Variants in FRMD4A observed in about 807,000 individuals in gnomAD.
FRMD4A encodes the protein FERM domain containing 4A.
Under a neutral mutation model 129.1 loss-of-function variants are expected in FRMD4A, and 29 were observed. That is an observed-to-expected ratio of 0.22 (90% CI 0.17 to 0.31). The LOEUF is 0.31. Among genes scored for constraint, FRMD4A ranks in the 10% least tolerant of loss-of-function variants. The pLI is 1.00. For missense variants in FRMD4A, 1,272 were observed against 1,375.8 expected, an observed-to-expected ratio of 0.92 and a Z score of 1.19; for synonymous variants, 634 against 571.6, an observed-to-expected ratio of 1.11 and a Z score of -1.56.
chr10:13,648,455 G>A (rs540585327), intron 24 of FRMD4A, among the ~76,000 whole-genome samples: 6 of 152,240 alleles, frequency 3.9e-5, no homozygotes, highest in East Asian at 1.9e-4. Flanking sequence ...ACGTGGTCCT[G>A]GTGGTGCTCT....
chr10:13,895,765 C>T (rs903795527), intron 2 of FRMD4A, among the ~76,000 whole-genome samples: 4 of 152,122 alleles, frequency 2.6e-5, no homozygotes, highest in African/African-American at 7.2e-5. Context: ...TTGCAATCTA[C>T]CCATCTGACA....
intron 2 of FRMD4A, among the ~76,000 whole-genome samples, chr10:14,067,070 C>A (rs1487660145): frequency 6.6e-6 from 1 of 152,134 alleles, no homozygotes; most frequent in East Asian, 1.9e-4. Context: ...GTAATCCCAG[C>A]ACTTTGGGAG....
intron 2 of FRMD4A, among the ~76,000 whole-genome samples, chr10:14,046,698 G>C (rs75824247): frequency 6.6e-6 from 1 of 152,140 alleles, no homozygotes. Context: ...TCAAACCCCT[G>C]ACGTGATGGT....
chr10:13,679,388 C>T (rs1276529945), intron 15 of FRMD4A, among the ~76,000 whole-genome samples: 1 of 127,554 alleles, frequency 7.8e-6, no homozygotes, highest in African/African-American at 3.0e-5. Flanking sequence ...GATTGGTCCA[C>T]TGCACCACAG....
intron 2 of FRMD4A, among the ~76,000 whole-genome samples, chr10:13,994,098 C>T (rs1714109407): frequency 6.6e-6 from 1 of 151,182 alleles, no homozygotes; most frequent in Non-Finnish European, 1.5e-5. Flanking sequence ...CAACCTTCAC[C>T]TCCCGGGTTC....
intron 2 of FRMD4A, among the ~76,000 whole-genome samples, chr10:14,297,054 T>A (rs1239064082): frequency 6.6e-6 from 1 of 152,088 alleles, no homozygotes; most frequent in Non-Finnish European, 1.5e-5. Flanking sequence ...TGAAACCTAT[T>A]TGTCATCTCC....
chr10:14,266,009 A>C (rs1844964954), intron 2 of FRMD4A, among the ~76,000 whole-genome samples: 1 of 152,210 alleles, frequency 6.6e-6, no homozygotes, highest in Non-Finnish European at 1.5e-5. Flanking sequence ...CAAAATCTGC[A>C]GTTTAAAGGA....
At chr10:13,935,989 G>T (rs745405714) in intron 2 of FRMD4A, among the ~76,000 whole-genome samples, 20 of 152,214 alleles carry the variant, frequency 1.3e-4, no homozygotes, top group South Asian at 4.1e-4. Context: ...TATAACTAAA[G>T]GGAAATGTGT....
chr10:13,809,738 C>T (rs1446132448), intron 4 of FRMD4A, among the ~76,000 whole-genome samples: 1 of 152,350 alleles, frequency 6.6e-6, no homozygotes, highest in East Asian at 1.9e-4. Context: ...GAACACACCA[C>T]AGCCTGAAAT....
rs1565225696 is a variant in FRMD4A, at chr10:14,068,112, TTC to T, written c.46-209202_46-209201del. Among the ~76,000 whole-genome samples the T allele has an allele frequency of 7.1e-3, 1,079 of 151,614 alleles. 10 individuals are homozygous for T. The highest frequency in any genetic ancestry group is 0.025 in the African/African-American group (1,013 of 41,282). On this transcript the variant is annotated intron_variant, in intron 2 of 24. Transcript: ENST00000357447. ...GGATCATCTTTCAAAGTATAAATAT[TTC>T]GGAGAGCAGTAACATCTTCAAACAC... is the stretch of plus-strand genomic sequence containing the variant.
At chr10:14,176,923 T>C (rs1841749525) in intron 2 of FRMD4A, among the ~76,000 whole-genome samples, 1 of 152,218 alleles carries the variant, frequency 6.6e-6, no homozygotes, top group African/African-American at 2.4e-5. Context: ...TTATTGGCCC[T>C]GAACCATTAA....
chr10:14,019,877 A>G (rs1832655874), intron 2 of FRMD4A, among the ~76,000 whole-genome samples: 1 of 151,966 alleles, frequency 6.6e-6, no homozygotes, highest in Non-Finnish European at 1.5e-5. Flanking sequence ...GTTTCAGGAA[A>G]CCTGCTTGAT....
chr10:14,297,092 AG>A (rs1846033761), intron 2 of FRMD4A, among the ~76,000 whole-genome samples: 1 of 152,036 alleles, frequency 6.6e-6, no homozygotes, highest in African/African-American at 2.4e-5. Context: ...CCAGATCCAG[AG>A]AATGCCAGCT....
chr10:14,190,244 A>T (rs1401454059), intron 2 of FRMD4A, among the ~76,000 whole-genome samples: 1 of 152,240 alleles, frequency 6.6e-6, no homozygotes, highest in Non-Finnish European at 1.5e-5. Context: ...GTTTCTTCAC[A>T]GCAAATGACC....
chr10:13,694,801 C>G (rs1225717664), intron 14 of FRMD4A, among the ~76,000 whole-genome samples: 1 of 151,438 alleles, frequency 6.6e-6, no homozygotes, highest in Non-Finnish European at 1.5e-5. Context: ...GTGATTGCAC[C>G]ATTGCACCCC....
chr10:13,767,145 A>G (rs2092313146), intron 6 of FRMD4A, among the ~76,000 whole-genome samples: 1 of 152,212 alleles, frequency 6.6e-6, no homozygotes. Context: ...AGATGTTTTC[A>G]GGGGTCTTCC....
chr10:14,028,283 T>G (rs1240542960), intron 2 of FRMD4A, among the ~76,000 whole-genome samples: 1 of 152,218 alleles, frequency 6.6e-6, no homozygotes, highest in Non-Finnish European at 1.5e-5. Flanking sequence ...CAAAGATGAT[T>G]AAGATATTGT....
At chr10:14,167,010 AC>A (rs1018176513) in intron 2 of FRMD4A, among the ~76,000 whole-genome samples, 12 of 152,198 alleles carry the variant, frequency 7.9e-5, no homozygotes, top group Non-Finnish European at 1.3e-4. Flanking sequence ...GAAGAAATAA[AC>A]CCTGGTGTCT....
chr10:14,134,716 T>C lies in FRMD4A; in HGVS notation c.45+195342A>G, dbSNP rs1020111767. ...GTGGGTCAATAGATGGGTGGATGGA[T>C]GGATGGGTGGATAAGTGGATGGGTG... is the stretch of plus-strand genomic sequence containing the variant. On this transcript the variant is annotated intron_variant, in intron 2 of 24. Transcript: ENST00000357447. Among the ~76,000 whole-genome samples, 6 of 151,938 alleles carry C rather than the reference T, an allele frequency of 3.9e-5. No individual in the cohort carries two copies. The East Asian group carries it at 1.2e-3, about 29-fold the overall frequency.
Sources: allele counts gnomAD v4.1 joint callset (sites outside exome capture counted in the v4.1 genomes callset), GRCh38; gene constraint gnomAD v4.1.1; transcripts MANE v1.5; gene names NCBI Gene and HGNC (gene_info 2026-07-23, HGNC 2026-07-21).